POTEF: variants seen among roughly 807,000 people sequenced by gnomAD.
POTEF encodes the protein POTE ankyrin domain family member F, also known as ANKRD26-like family C member 1B.
POTEF carries 20 observed loss-of-function variants against 83.2 expected under a neutral mutation model. The observed-to-expected ratio is 0.24, with a 90% confidence interval of 0.17 to 0.35. The LOEUF (loss-of-function observed/expected upper bound fraction) is 0.35. Among genes scored for constraint, POTEF ranks in the 10% least tolerant of loss-of-function variants. POTEF has a pLI of 1.00. For synonymous variants in POTEF, 196 were observed against 446.4 expected, an observed-to-expected ratio of 0.44 and a Z score of 7.07; for missense variants, 550 against 1,203.2, an observed-to-expected ratio of 0.46 and a Z score of 8.03.
At chr2:130,104,099 C>CA (rs1558888415) in intron 8 of POTEF, among the ~76,000 whole-genome samples, 2 of 150,044 alleles carry the variant, frequency 1.3e-5, no homozygotes, top group African/African-American at 5.1e-5. Flanking sequence ...GACAAGGTGA[C>CA]AGATAGCTCA....
intron 2 of POTEF, among the ~76,000 whole-genome samples, chr2:130,126,968 C>T (rs1685106562): frequency 6.6e-6 from 1 of 151,876 alleles, no homozygotes; most frequent in Admixed American, 6.5e-5. Context: ...ATTATGACAC[C>T]TTTTATCCCC....
intron 2 of POTEF, among the ~76,000 whole-genome samples, chr2:130,126,521 G>C (rs1015818894): frequency 6.6e-6 from 1 of 152,018 alleles, no homozygotes; most frequent in Non-Finnish European, 1.5e-5. Context: ...CAACGCATTA[G>C]CCCATTTATG....
At position 130,075,088 on chromosome 2, in the gene POTEF, C is replaced by A. The variant is rs751923686; in HGVS notation, c.2384G>T (p.Arg795Leu). ...IWHHTFYNEL[R>L]VAPEEHPVLL... ...GACGGGGTGCTCCTCGGGAGCCACA[C>A]GCAGCTCGTTGTAGAAGGTGTGGTG... Residue 795 changes from arginine to leucine, a missense_variant, in exon 17 of 17, where the codon CGT (arginine) becomes CTT (leucine). By Grantham distance (102) the Arg-to-Leu change is moderately radical. Transcript: ENST00000409914. 1 of 1,613,758 alleles carries A rather than the reference C, an allele frequency of 6.2e-7. No individual in the cohort carries two copies. The highest frequency in any genetic ancestry group is 2.2e-5 in the East Asian group (1 of 44,856).
intron 3 of POTEF, among the ~76,000 whole-genome samples, chr2:130,119,119 T>C (rs1684926667): frequency 6.6e-6 from 1 of 151,832 alleles, no homozygotes; most frequent in Non-Finnish European, 1.5e-5. Context: ...AACTTTGCTA[T>C]TTTTATTTGG....
At chr2:130,117,005 A>T (rs1344952742) in intron 3 of POTEF, among the ~76,000 whole-genome samples, 3 of 146,952 alleles carry the variant, frequency 2.0e-5, no homozygotes, top group African/African-American at 7.9e-5. Flanking sequence ...TGTCTGGCTT[A>T]TGTCTGATGA....
intron 11 of POTEF, among the ~76,000 whole-genome samples, chr2:130,094,680 CCAGCTCCT>C (rs1684198694): frequency 3.5e-5 from 1 of 28,794 alleles, no homozygotes; most frequent in African/African-American, 1.4e-4. Context: ...TATGCAAGGG[CCAGCTCCT>C]TGGGAGGCTG....
rs897028842 is a variant in POTEF at position 130,101,008 on chromosome 2, T to G, written c.1198-288A>C. On this transcript the variant is annotated intron_variant, in intron 9 of 16. Transcript: ENST00000409914. ...AGAAAAAAAACGTGAACCAGCAAAC[T>G]TAATTTGGTCACCATTTGTTTGGAC... is the stretch of plus-strand genomic sequence containing the variant. Among the ~76,000 whole-genome samples, 55 of 146,786 alleles carry G rather than the reference T, an allele frequency of 3.7e-4. 7 individuals carry two copies. The highest frequency in any genetic ancestry group is 1.4e-3 in the African/African-American group (52 of 37,148).
intron 6 of POTEF, 77 bp downstream of exon 6, chr2:130,111,918 A>G: frequency 7.8e-7 from 1 of 1,286,136 alleles, no homozygotes; most frequent in Non-Finnish European, 1.1e-6. Flanking sequence ...GTATACATTA[A>G]TCTTATTAAT....
chr2:130,119,330 A>G (rs1042454286), intron 3 of POTEF, among the ~76,000 whole-genome samples: 4 of 151,460 alleles, frequency 2.6e-5, no homozygotes, highest in African/African-American at 9.7e-5. Flanking sequence ...CACCCGGCTA[A>G]TTTTTTTTAT....
In POTEF at chr2:130,074,719, T is replaced by C. The variant is rs62165871; in HGVS notation, c.2753A>G (p.Tyr918Cys). The change falls in exon 17 of 17, where the codon TAT becomes TGT. Residue 918 changes from tyrosine (Y) to cysteine (C), a missense_variant. By Grantham distance (194) the Tyr-to-Cys change is radical. Transcript: ENST00000409914. The part of the protein sequence containing the change: ...IVRDIKEKLC[Y>C]VALDFEQEMA... ...CTCCTGCTCGAAGTCCAGGGCAACA[T>C]AGCACAGCTTCTCTTTGATGTCACG... The C allele has an allele frequency of 3.3e-6, 5 of 1,529,468 alleles. No homozygotes were observed. Among genetic ancestry groups the C allele is most frequent in the Admixed American group, 1.8e-5 (1 of 54,418 alleles). 94.7% of individuals were successfully genotyped at this position (1,529,468 alleles called of 1,614,324 possible).
intron 2 of POTEF, 124 bp from the exon 3 acceptor site, chr2:130,120,732 C>A (rs1372666437): frequency 1.2e-6 from 1 of 864,370 alleles, no homozygotes; most frequent in East Asian, 2.9e-5. Context: ...CCCCCCTGGG[C>A]GACCCCACGC....
chr2:130,074,973 G>T lies in POTEF; in HGVS notation c.2499C>A (p.Tyr833Ter), dbSNP rs751398644. ...GGGACAGCACAGCCTGGATGGCCAC[G>T]TACATGGCTGGGGTGTTGAAGGTCT... ...MFETFNTPAMYVAIQAVLSLY... is the reference protein window; with the variant it reads ...MFETFNTPAM Residue 833 changes from tyrosine (Y) to a stop codon, truncating the protein, a stop_gained, in exon 17 of 17, where the codon TAC (tyrosine) becomes TAA (stop). Coordinates refer to ENST00000409914, the MANE Select transcript of POTEF (RefSeq NM_001099771.2). LOFTEE classifies it high-confidence loss of function. 3 of 1,612,466 alleles carry T rather than the reference G, an allele frequency of 1.9e-6. No individual in the cohort carries two copies. In the South Asian group the frequency reaches 3.3e-5, roughly 18 times the overall value.
At chr2:130,128,277 G>T (rs890276669) in intron 1 of POTEF, among the ~76,000 whole-genome samples, 1 of 151,578 alleles carries the variant, frequency 6.6e-6, no homozygotes. Context: ...GTGGGCGGGA[G>T]GTGCAGGCCG....
chr2:130,088,751 AG>A (rs1684061999), intron 12 of POTEF, among the ~76,000 whole-genome samples: 1 of 99,904 alleles, frequency 1.0e-5, no homozygotes, highest in African/African-American at 4.1e-5. Context: ...CACCACACCC[AG>A]CTGATTTTTG....
chr2:130,129,004 T>G (rs62163086), intron 1 of POTEF, 68 bp downstream of exon 1: 8 of 86,206 alleles, frequency 9.3e-5, no homozygotes, highest in South Asian at 4.1e-4. Context: ...CAGCCTCGGG[T>G]AGTGAGCCCC....
intron 3 of POTEF, among the ~76,000 whole-genome samples, chr2:130,118,192 A>G (rs1311014017): frequency 6.6e-6 from 1 of 151,862 alleles, no homozygotes; most frequent in East Asian, 1.9e-4. Flanking sequence ...CACCTGCCTC[A>G]GCCTCCTAAA....
At chr2:130,106,988 CA>C (rs1684553192) in intron 8 of POTEF, among the ~76,000 whole-genome samples, 1 of 149,764 alleles carries the variant, frequency 6.7e-6, no homozygotes, top group Non-Finnish European at 1.5e-5. Context: ...TTGTCTCCTG[CA>C]ACTTATAAAA....
chr2:130,110,771 G>A, intron 6 of POTEF, 91 bp from the exon 7 acceptor site: 1 of 860,438 alleles, frequency 1.2e-6, no homozygotes. Context: ...TGTCTGTGCA[G>A]AATCAAACAT....
At chr2:130,083,225 C>G (rs1193118449) in intron 15 of POTEF, among the ~76,000 whole-genome samples, 20 of 148,942 alleles carry the variant, frequency 1.3e-4, no homozygotes, top group Admixed American at 9.9e-4. Flanking sequence ...ATCCCAGCTA[C>G]TCAGGAGGCT....
Sources: gnomAD v4.1 joint callset for allele counts (sites outside exome capture counted in the v4.1 genomes callset) on GRCh38, gnomAD v4.1.1 for gene constraint, MANE v1.5 for transcripts, NCBI Gene and HGNC (gene_info 2026-07-23, HGNC 2026-07-21) for gene names.